The following CALN1 variants were observed in gnomAD, a reference collection of about 807,000 sequenced individuals.
The protein encoded by CALN1 is calcium-binding protein 8.
A neutral mutation model predicts 30.6 loss-of-function variants in CALN1; 17 were observed. The observed-to-expected ratio is 0.56, with a 90% confidence interval of 0.38 to 0.83. The LOEUF is 0.83. Among genes scored for constraint, CALN1 ranks in the 40% least tolerant of loss-of-function variants. The pLI, the probability that CALN1 is intolerant of heterozygous loss-of-function variation, is 0.00. For missense variants in CALN1, 291 were observed against 354.9 expected (o/e 0.82, Z 1.45); for synonymous variants, 156 against 131.4 (o/e 1.19, Z -1.28).
chr7:72,357,802 CTTTTA>C (rs1240025634), intron 2 of CALN1, among the ~76,000 whole-genome samples: 1 of 147,742 alleles, frequency 6.8e-6, no homozygotes, highest in African/African-American at 2.5e-5. Context: ...GGGTAAGAAA[CTTTTA>C]TTTTATATAT....
rs1444518584 is a variant in CALN1, at chr7:72,027,892, C to A, written c.389-4123G>T. Reference sequence around the variant, plus strand: ...CTAACACAGTGAAACCCCGTCTCTACTAAAAAACACAAAAAAATTAGCCGG... The same window carrying A: ...CTAACACAGTGAAACCCCGTCTCTAATAAAAAACACAAAAAAATTAGCCGG... On this transcript the variant is annotated intron_variant, in intron 4 of 6. Transcript: ENST00000395275. Among the ~76,000 whole-genome samples the A allele has an allele frequency of 4.6e-5, 7 of 150,972 alleles. No individual in the cohort carries two copies. The South Asian group carries it at 6.3e-4, about 14-fold the overall frequency.
chr7:72,024,641 C>T (rs769756388), intron 4 of CALN1, among the ~76,000 whole-genome samples: 6 of 152,058 alleles, frequency 3.9e-5, no homozygotes, highest in Non-Finnish European at 7.4e-5. Context: ...TCAAGTGATC[C>T]GCCTGCCTTG....
the CALN1 span, among the ~76,000 whole-genome samples, chr7:72,499,855 T>C: frequency 1.1e-3 from 47 of 42,048 alleles, 1 homozygote; most frequent in African/African-American, 3.9e-3. Flanking sequence ...CTTTCTTTCT[T>C]TCTTTCTTTC....
chr7:72,394,529 C>T (rs1266427421), intron 2 of CALN1, among the ~76,000 whole-genome samples: 1 of 152,022 alleles, frequency 6.6e-6, no homozygotes, highest in African/African-American at 2.4e-5. Flanking sequence ...GAAAAGGATG[C>T]TGGTAATCAA....
intron 5 of CALN1, among the ~76,000 whole-genome samples, chr7:71,953,500 C>T (rs1054177788): frequency 6.6e-6 from 1 of 152,078 alleles, no homozygotes; most frequent in East Asian, 1.9e-4. Flanking sequence ...TATATACTGT[C>T]AAGGCTTTGG....
intron 4 of CALN1, among the ~76,000 whole-genome samples, chr7:72,105,348 T>A (rs1458745786): frequency 6.6e-6 from 1 of 152,174 alleles, no homozygotes; most frequent in Non-Finnish European, 1.5e-5. Context: ...GCTGGTGAAC[T>A]TTTCCTGAGT....
chr7:72,131,941 T>G (rs1809178318), intron 3 of CALN1, among the ~76,000 whole-genome samples: 1 of 152,190 alleles, frequency 6.6e-6, no homozygotes, highest in Non-Finnish European at 1.5e-5. Context: ...ACATGATTGT[T>G]GTTCAAGATC....
rs186171566 is a variant in CALN1, at chr7:72,081,002, G to T, written c.388+25149C>A. Among the ~76,000 whole-genome samples, 14 of 152,210 alleles carry T rather than the reference G, an allele frequency of 9.2e-5. No homozygotes were observed. In the East Asian group the frequency reaches 2.7e-3, roughly 29 times the overall value. ...TTCGCCTAATCTGGAATTGGTTTCA[G>T]ATTTGCAAATGAGAACTTTCCGAGG... On this transcript the variant is annotated intron_variant, in intron 4 of 6. Transcript: ENST00000395275.
intron 5 of CALN1, among the ~76,000 whole-genome samples, chr7:71,945,298 AC>A (rs1796349245): frequency 6.6e-6 from 1 of 152,152 alleles, no homozygotes; most frequent in East Asian, 1.9e-4. Context: ...TTTCTAAATG[AC>A]CCAGTTTTGG....
At chr7:71,948,501 G>A (rs1163012984) in intron 5 of CALN1, among the ~76,000 whole-genome samples, 2 of 151,860 alleles carry the variant, frequency 1.3e-5, no homozygotes, top group Non-Finnish European at 2.9e-5. Flanking sequence ...AGGCTGAGGC[G>A]GGCGGATCAC....
intron 5 of CALN1, among the ~76,000 whole-genome samples, chr7:71,949,030 A>T (rs911116254): frequency 7.3e-6 from 1 of 137,110 alleles, no homozygotes; most frequent in African/African-American, 2.7e-5. Flanking sequence ...GTCACACAGC[A>T]AGACTCTGTC....
At chr7:72,201,484 G>C (rs571634789) in intron 3 of CALN1, among the ~76,000 whole-genome samples, 1 of 151,810 alleles carries the variant, frequency 6.6e-6, no homozygotes. Flanking sequence ...CCAGCTACTC[G>C]GGAGGCTGAG....
chr7:72,277,860 A>C (rs1797440666), intron 3 of CALN1, among the ~76,000 whole-genome samples: 1 of 152,198 alleles, frequency 6.6e-6, no homozygotes, highest in Non-Finnish European at 1.5e-5. Context: ...CTACTTGAGA[A>C]AGTAAATTTA....
chr7:72,438,536 C>A (rs574518313), intron 1 of CALN1, among the ~76,000 whole-genome samples: 13 of 152,332 alleles, frequency 8.5e-5, no homozygotes, highest in African/African-American at 2.9e-4. Flanking sequence ...TACCTGCCAT[C>A]TTTTCTCCCT....
chr7:72,093,580 T>G (rs1411565712), intron 4 of CALN1, among the ~76,000 whole-genome samples: 1 of 152,166 alleles, frequency 6.6e-6, no homozygotes, highest in Non-Finnish European at 1.5e-5. Context: ...AAGTAAGGCT[T>G]TGGAAGACCT....
Position 72,271,575 on chromosome 7 carries a change from A to AAAAAAAAAATATATATATATATATATAT in CALN1, c.244+7110_244+7111insATATATATATATATATATATTTTTTTTT. 2.9e-4 allele frequency among the ~76,000 whole-genome samples: 15 copies of AAAAAAAAAATATATATATATATATATAT among 52,116 alleles called. No homozygotes were observed. In the East Asian group the frequency reaches 5.0e-3, roughly 17 times the overall value. The allele number at this position is 52,116 out of a possible 152,430, so 34.2% of individuals were successfully genotyped here. A position where few individuals can be genotyped will look rare whatever the true frequency, so the allele number is the denominator to read the frequency against. On this transcript the variant is annotated intron_variant, in intron 3 of 6. Transcript: ENST00000395275. ...CTGTGCCTGCCTTTTAAAAAAAAAA[A>AAAAAAAAAATATATATATATATATATAT]ATATATATATATATATATAGTTTTC...
At chr7:71,908,315 C>A (rs1162737190) in intron 5 of CALN1, among the ~76,000 whole-genome samples, 2 of 151,546 alleles carry the variant, frequency 1.3e-5, no homozygotes, top group East Asian at 3.9e-4. Context: ...TTTTTAAAAT[C>A]ATGGGCTTTA....
intron 5 of CALN1, among the ~76,000 whole-genome samples, chr7:71,924,620 A>C (rs928381968): frequency 6.6e-6 from 1 of 151,996 alleles, no homozygotes; most frequent in Non-Finnish European, 1.5e-5. Context: ...GCTGTACCTT[A>C]ATCTGTTTTT....
chr7:72,149,061 T>C (rs1413723340), intron 3 of CALN1, among the ~76,000 whole-genome samples: 1 of 152,182 alleles, frequency 6.6e-6, no homozygotes, highest in Non-Finnish European at 1.5e-5. Context: ...CTCTGTGTTA[T>C]GCTGGTTTCC....
Sources: allele counts gnomAD v4.1 joint callset (sites outside exome capture counted in the v4.1 genomes callset), GRCh38; gene constraint gnomAD v4.1.1; transcripts MANE v1.5; gene names NCBI Gene and HGNC (gene_info 2026-07-23, HGNC 2026-07-21).